PEDS1: variants seen among roughly 807,000 people sequenced by gnomAD.
PEDS1 encodes CarF homolog.
PEDS1 carries 14 observed loss-of-function variants against 35.2 expected under a neutral mutation model. That is an observed-to-expected ratio of 0.40 (90% CI 0.26 to 0.62). PEDS1 has a LOEUF of 0.62. Among genes scored for constraint, PEDS1 ranks in the 20% least tolerant of loss-of-function variants. The pLI is 0.44. For synonymous variants in PEDS1, 152 were observed against 152.0 expected, an observed-to-expected ratio of 1.00 and a Z score of 0.00; for missense variants, 260 against 367.8, an observed-to-expected ratio of 0.71 and a Z score of 2.40.
intron 2 of PEDS1, 79 bp downstream of exon 2, chr20:50,143,421 GAC>G: frequency 1.3e-6 from 2 of 1,541,286 alleles, no homozygotes; most frequent in South Asian, 2.4e-5. Flanking sequence ...CATGCATGTG[GAC>G]ACACACACGC....
At chr20:50,137,112 C>T (rs1021798479) in intron 2 of PEDS1, among the ~76,000 whole-genome samples, 2 of 152,174 alleles carry the variant, frequency 1.3e-5, no homozygotes, top group African/African-American at 4.8e-5. Flanking sequence ...GTGGCCCAGA[C>T]TGGAGTGTGG....
chr20:50,127,769 G>C (rs773895312), intron 5 of PEDS1, among the ~76,000 whole-genome samples: 1 of 152,212 alleles, frequency 6.6e-6, no homozygotes, highest in Non-Finnish European at 1.5e-5. Flanking sequence ...GAGGGAGAGG[G>C]CTTTGTCAGT....
At chr20:50,141,593 G>A (rs955686909) in intron 2 of PEDS1, among the ~76,000 whole-genome samples, 14 of 152,260 alleles carry the variant, frequency 9.2e-5, no homozygotes, top group Non-Finnish European at 1.9e-4. Context: ...AGAGCCAGGA[G>A]GTGGTAGAGC....
intron 2 of PEDS1, among the ~76,000 whole-genome samples, chr20:50,137,817 G>C (rs2081252459): frequency 6.6e-6 from 1 of 152,212 alleles, no homozygotes; most frequent in Non-Finnish European, 1.5e-5. Context: ...GTTGCAGTGG[G>C]CCGAGATTGC....
chr20:50,137,042 C>T (rs114171905), intron 2 of PEDS1, among the ~76,000 whole-genome samples: 125 of 152,000 alleles, frequency 8.2e-4, no homozygotes, highest in African/African-American at 2.8e-3. Flanking sequence ...AAAAAAAAGG[C>T]GGGGTGGGGG....
rs531398038 is a variant in PEDS1 at position 50,139,443 on chromosome 20, C to T, written c.241+4059G>A. 2.4e-4 allele frequency among the ~76,000 whole-genome samples: 36 copies of T among 152,044 alleles called. No homozygotes were observed. In the East Asian group the frequency reaches 5.0e-3, roughly 21 times the overall value. Reference sequence around the variant, plus strand: ...GGTCCACTCGGTGGCTGTTCCCAGTCGACCCCCAAGACTCCTGGAAACACA... The same window carrying T: ...GGTCCACTCGGTGGCTGTTCCCAGTTGACCCCCAAGACTCCTGGAAACACA... On this transcript the variant is annotated intron_variant, in intron 2 of 5. Coordinates refer to ENST00000371652, the MANE Select transcript of PEDS1 (RefSeq NM_199129.4).
rs555608517 is a variant in PEDS1, at chr20:50,123,660, C to G, written c.*1398G>C. 1 of 152,366 alleles carries G rather than the reference C, an allele frequency of 6.6e-6. No individual in the cohort carries two copies. The highest frequency in any genetic ancestry group is 2.4e-5 in the African/African-American group (1 of 41,468). 9.4% of individuals were successfully genotyped at this position (152,366 alleles called of 1,614,324 possible). A position where few individuals can be genotyped will look rare whatever the true frequency, so the allele number is the denominator to read the frequency against. On this transcript the variant is annotated 3_prime_UTR_variant, in exon 6 of 6. Transcript: ENST00000371652. The stretch of plus-strand genomic sequence containing the variant: ...TCGTGTCTGACCTCCTCTCCTCCCC[C>G]AGGTCTCAGCTCAGAGGCCCTTCAT...
chr20:50,127,493 C>T (rs900736290), intron 5 of PEDS1, among the ~76,000 whole-genome samples: 3 of 152,118 alleles, frequency 2.0e-5, no homozygotes, highest in African/African-American at 7.2e-5. Context: ...AGGTGCCTGC[C>T]ACCAAGCCCA....
chr20:50,121,873 G>T lies in PEDS1; in HGVS notation c.*3185C>A, dbSNP rs931574984. ...CCACAGTGGTGAGGCTACTCCTATG[G>T]CCTCTAAAGAATTTAGCTGCCTGTC... On this transcript the variant is annotated 3_prime_UTR_variant, in exon 6 of 6. Coordinates refer to ENST00000371652, the MANE Select transcript of PEDS1 (RefSeq NM_199129.4). The T allele has an allele frequency of 6.6e-6, 1 of 152,138 alleles. No homozygotes were observed. Among genetic ancestry groups the T allele is most frequent in the African/African-American group, 2.4e-5 (1 of 41,416 alleles). 9.4% of individuals were successfully genotyped at this position (152,138 alleles called of 1,614,324 possible). A position where few individuals can be genotyped will look rare whatever the true frequency, so the allele number is the denominator to read the frequency against.
At chr20:50,138,041 A>C (rs1467750940) in intron 2 of PEDS1, among the ~76,000 whole-genome samples, 2 of 152,252 alleles carry the variant, frequency 1.3e-5, no homozygotes, top group East Asian at 3.8e-4. Flanking sequence ...CAACACTGGC[A>C]CACACTGTAA....
Position 50,128,664 on chromosome 20 carries a change from G to A in PEDS1, c.479-477C>T, listed in dbSNP as rs1018656508. Among the ~76,000 whole-genome samples, 6 of 152,188 alleles carry A rather than the reference G, an allele frequency of 3.9e-5. No homozygotes were observed. The highest frequency in any genetic ancestry group is 3.9e-4 in the Admixed American group (6 of 15,280). ...ACCTCGAAGGGAGGGAGGGAAGCAA[G>A]ACACGGCAGGGGAAGAGCAGAGCAA... On this transcript the variant is annotated intron_variant, in intron 4 of 5. Coordinates refer to ENST00000371652, the MANE Select transcript of PEDS1 (RefSeq NM_199129.4). This position sits in a 1 kb window ranked among gnomAD's most constrained non-coding sequence, Gnocchi z 5.2.
At position 50,125,074 on chromosome 20, in the gene PEDS1, G is replaced by A; in HGVS notation, c.797C>T (p.Ala266Val). 1.2e-6 allele frequency: 2 copies of A among 1,614,108 alleles called. No homozygotes were observed. Among genetic ancestry groups the A allele is most frequent in the Non-Finnish European group, 1.7e-6 (2 of 1,179,966 alleles). ...EKPRADDMKW[A>V]QKIK is the part of the protein sequence containing the mutation. Reference sequence around the variant, plus strand: ...TCGGAGAAGTTATTTGATCTTCTGGGCCCATTTCATGTCATCTGCCCGAGG... The same window carrying A: ...TCGGAGAAGTTATTTGATCTTCTGGACCCATTTCATGTCATCTGCCCGAGG... Residue 266 changes from alanine to valine, a missense_variant, in exon 6 of 6, where the codon GCC (alanine) becomes GTC (valine). By Grantham distance (64) the Ala-to-Val change is moderately conservative. Coordinates refer to ENST00000371652, the MANE Select transcript of PEDS1 (RefSeq NM_199129.4).
chr20:50,140,576 T>C (rs1024563851), intron 2 of PEDS1, among the ~76,000 whole-genome samples: 1 of 147,386 alleles, frequency 6.8e-6, no homozygotes, highest in Non-Finnish European at 1.5e-5. Flanking sequence ...TGGATGCCCC[T>C]CCCCAAGATC....
At chr20:50,144,585 G>A (rs2081327506) in intron 1 of PEDS1, among the ~76,000 whole-genome samples, 1 of 152,186 alleles carries the variant, frequency 6.6e-6, no homozygotes, top group Admixed American at 6.5e-5. Context: ...ACAGACACAC[G>A]AGCCCAGACA....
chr20:50,127,877 C>A (rs764197176), intron 5 of PEDS1, 98 bp downstream of exon 5: 357 of 1,484,522 alleles, frequency 2.4e-4, no homozygotes, highest in Non-Finnish European at 2.9e-4. Flanking sequence ...AGGGCAAGGA[C>A]TGTGTGACCT....
At chr20:50,145,343 A>C (rs950767055) in intron 1 of PEDS1, among the ~76,000 whole-genome samples, 8 of 152,208 alleles carry the variant, frequency 5.3e-5, no homozygotes, top group Admixed American at 2.0e-4. Context: ...CAGCTTGGGC[A>C]ACATAGCAAA....
rs111421129 is a variant in PEDS1, at chr20:50,128,461, T to A, written c.479-274A>T. ...TAGACCGGAGTCAGCTGGAGCTGGG[T>A]TCCGATCTCTGCCGACATTTCTTGG... On this transcript the variant is annotated intron_variant, in intron 4 of 5. Coordinates refer to ENST00000371652, the MANE Select transcript of PEDS1 (RefSeq NM_199129.4). The surrounding 1 kb of genome is among the most constrained non-coding windows in gnomAD (Gnocchi z 5.2). Among the ~76,000 whole-genome samples the A allele has an allele frequency of 5.9e-3, 892 of 152,292 alleles. 11 individuals are homozygous for A. Among genetic ancestry groups the A allele is most frequent in the African/African-American group, 0.02 (831 of 41,552 alleles).
intron 1 of PEDS1, among the ~76,000 whole-genome samples, chr20:50,150,945 C>G (rs769311651): frequency 7.2e-5 from 11 of 152,180 alleles, no homozygotes; most frequent in Non-Finnish European, 1.5e-4. Flanking sequence ...ATCCACCCAC[C>G]TCGGCCTCCC....
At position 50,124,900 on chromosome 20, in the gene PEDS1, G is replaced by T; in HGVS notation, c.*158C>A. 3.3e-6 allele frequency: 3 copies of T among 905,570 alleles called. No homozygotes were observed. Among genetic ancestry groups the T allele is most frequent in the Non-Finnish European group, 5.0e-6 (3 of 599,618 alleles). The allele number at this position is 905,570 out of a possible 1,614,324, so 56.1% of individuals were successfully genotyped here. ...AAGAAATGAAAAATCAGTGGCTCAAGTATTCTGTGTCATGAGGGGTGGGCT... is the reference window on the plus strand; with the variant it reads ...AAGAAATGAAAAATCAGTGGCTCAATTATTCTGTGTCATGAGGGGTGGGCT... On this transcript the variant is annotated 3_prime_UTR_variant, in exon 6 of 6. Transcript: ENST00000371652.
Sources: gnomAD v4.1 joint callset for allele counts (sites outside exome capture counted in the v4.1 genomes callset) on GRCh38, gnomAD v4.1.1 for gene constraint, Gnocchi (gnomAD v3.1) non-coding constraint, MANE v1.5 for transcripts, NCBI Gene and HGNC (gene_info 2026-07-23, HGNC 2026-07-21) for gene names.